Variants in TNFSF4 observed in about 807,000 individuals in gnomAD.
TNFSF4 encodes TNF superfamily member 4.
TNFSF4 carries 4 observed loss-of-function variants against 7.3 expected under a neutral mutation model. The observed-to-expected ratio is 0.55, with a 90% CI of 0.27 to 1.25. TNFSF4 has a LOEUF of 1.25. TNFSF4 is among the 50% of genes most tolerant of loss of function. TNFSF4 has a pLI of 0.12. For missense variants in TNFSF4, 181 were observed against 208.8 expected, an observed-to-expected ratio of 0.87 and a Z score of 0.82; for synonymous variants, 76 against 83.7, an observed-to-expected ratio of 0.91 and a Z score of 0.50.
the TNFSF4 span, among the ~76,000 whole-genome samples, chr1:173,290,194 T>C: frequency 6.6e-6 from 1 of 152,144 alleles, no homozygotes; most frequent in Non-Finnish European, 1.5e-5. Flanking sequence ...CAAGTCTACA[T>C]AACAACCATC....
the TNFSF4 span, among the ~76,000 whole-genome samples, chr1:173,356,841 T>TG: frequency 2.0e-5 from 3 of 152,122 alleles, no homozygotes; most frequent in Admixed American, 6.5e-5. Context: ...AATCAATGTG[T>TG]GGGGGGAAAA....
chr1:173,290,609 C>T, the TNFSF4 span, among the ~76,000 whole-genome samples: 1 of 152,216 alleles, frequency 6.6e-6, no homozygotes, highest in South Asian at 2.1e-4. Flanking sequence ...TTAGAAGAAA[C>T]TTAGATAACC....
chr1:173,364,402 T>TATATATAC, the TNFSF4 span, among the ~76,000 whole-genome samples: 18 of 147,584 alleles, frequency 1.2e-4, no homozygotes, highest in East Asian at 1.8e-3. Context: ...TATATATATA[T>TATATATAC]ACACACACAC....
At chr1:173,443,166 A>G in the TNFSF4 span, among the ~76,000 whole-genome samples, 1 of 152,152 alleles carries the variant, frequency 6.6e-6, no homozygotes, top group Non-Finnish European at 1.5e-5. Flanking sequence ...AACAGATTAA[A>G]TGTGGTTATG....
the TNFSF4 span, among the ~76,000 whole-genome samples, chr1:173,256,021 G>A: frequency 1.3e-4 from 20 of 152,274 alleles, no homozygotes; most frequent in African/African-American, 4.6e-4. Flanking sequence ...AAAAGATAAA[G>A]GAAGTTAAGC....
chr1:173,223,047 C>T, the TNFSF4 span, among the ~76,000 whole-genome samples: 2 of 152,210 alleles, frequency 1.3e-5, no homozygotes, highest in Non-Finnish European at 2.9e-5. Context: ...GCTTTGGAGA[C>T]AGGCTGGCTG....
the TNFSF4 span, among the ~76,000 whole-genome samples, chr1:173,348,144 C>A: frequency 6.6e-6 from 1 of 152,208 alleles, no homozygotes; most frequent in Non-Finnish European, 1.5e-5. Flanking sequence ...GCTGTGTCCC[C>A]ACCCAAATCT....
the TNFSF4 span, among the ~76,000 whole-genome samples, chr1:173,305,491 T>C: frequency 6.6e-6 from 1 of 151,894 alleles, no homozygotes; most frequent in Non-Finnish European, 1.5e-5. Flanking sequence ...GTATAGTTGT[T>C]AGCCTGAAAT....
At chr1:173,292,297 A>T in the TNFSF4 span, among the ~76,000 whole-genome samples, 3 of 152,158 alleles carry the variant, frequency 2.0e-5, no homozygotes, top group African/African-American at 7.2e-5. Context: ...GATCAAGTAG[A>T]CTTTATTTCT....
At chr1:173,363,603 A>C in the TNFSF4 span, 45,224 of 477,114 alleles carry the variant, frequency 0.095, 2,692 homozygotes, top group East Asian at 0.26. Context: ...AGTGTCGTAG[A>C]TCACTCTTAA....
the TNFSF4 span, among the ~76,000 whole-genome samples, chr1:173,349,132 C>T: frequency 6.6e-6 from 1 of 152,044 alleles, no homozygotes; most frequent in African/African-American, 2.4e-5. Context: ...GGGTTCACGC[C>T]ATTCTCCTGT....
At chr1:173,365,235 G>T in the TNFSF4 span, among the ~76,000 whole-genome samples, 1 of 152,116 alleles carries the variant, frequency 6.6e-6, no homozygotes, top group Admixed American at 6.5e-5. Flanking sequence ...GCTATTTTTA[G>T]AATACATTTC....
chr1:173,214,546 C>T, the TNFSF4 span, among the ~76,000 whole-genome samples: 1 of 152,080 alleles, frequency 6.6e-6, no homozygotes, highest in Non-Finnish European at 1.5e-5. Flanking sequence ...TCTTGGGCTA[C>T]CATACAATAC....
the TNFSF4 span, among the ~76,000 whole-genome samples, chr1:173,336,623 C>T: frequency 1.3e-5 from 2 of 152,156 alleles, no homozygotes; most frequent in African/African-American, 4.8e-5. Flanking sequence ...TTGCAGGGAT[C>T]TTGATTGCTT....
the TNFSF4 span, among the ~76,000 whole-genome samples, chr1:173,385,543 T>C: frequency 6.6e-6 from 1 of 152,240 alleles, no homozygotes; most frequent in Non-Finnish European, 1.5e-5. Flanking sequence ...CAATTGTTAT[T>C]ACATGAACAA....
At chr1:173,262,750 C>G in the TNFSF4 span, among the ~76,000 whole-genome samples, 2 of 151,946 alleles carry the variant, frequency 1.3e-5, no homozygotes, top group Non-Finnish European at 2.9e-5. Flanking sequence ...CTACAGGCGC[C>G]TGCCACCGCG....
At chr1:173,395,506 G>A in the TNFSF4 span, among the ~76,000 whole-genome samples, 1 of 149,002 alleles carries the variant, frequency 6.7e-6, no homozygotes, top group East Asian at 2.0e-4. Context: ...CCAAAATGGT[G>A]TAAGAAAAGG....
the TNFSF4 span, among the ~76,000 whole-genome samples, chr1:173,374,414 G>T: frequency 1.3e-5 from 2 of 152,086 alleles, no homozygotes; most frequent in Non-Finnish European, 2.9e-5. Context: ...CAGTTAAGGT[G>T]GCAGGAGTGA....
the TNFSF4 span, among the ~76,000 whole-genome samples, chr1:173,299,940 T>C: frequency 6.6e-6 from 1 of 151,804 alleles, no homozygotes; most frequent in Non-Finnish European, 1.5e-5. Context: ...TTTAAACCCA[T>C]TGTCAACTGC....
Sources: gnomAD v4.1 joint callset for allele counts (sites outside exome capture counted in the v4.1 genomes callset) on GRCh38, gnomAD v4.1.1 for gene constraint, MANE v1.5 for transcripts, NCBI Gene and HGNC (gene_info 2026-07-23, HGNC 2026-07-21) for gene names.